The following PMS2 variants were observed in gnomAD, a reference collection of about 807,000 sequenced individuals.
PMS2 encodes the protein PMS1 homolog 2, mismatch repair system component.
Under a neutral mutation model 90.0 loss-of-function variants are expected in PMS2, and 69 were observed. The observed-to-expected ratio is 0.77, with a 90% CI of 0.63 to 0.94. The LOEUF is 0.94. Among genes scored for constraint, PMS2 ranks in the 40% least tolerant of loss-of-function variants. PMS2 has a pLI of 0.00. For missense variants in PMS2, 966 were observed against 1,040.2 expected, an observed-to-expected ratio of 0.93 and a Z score of 0.98; for synonymous variants, 332 against 375.1, an observed-to-expected ratio of 0.89 and a Z score of 1.33.
At chr7:5,992,264 C>T (rs1783844425) in intron 8 of PMS2, among the ~76,000 whole-genome samples, 1 of 151,262 alleles carries the variant, frequency 6.6e-6, no homozygotes, top group Non-Finnish European at 1.5e-5. Flanking sequence ...ACCTCCCAGG[C>T]TCAAGTGATC....
chr7:5,996,468 T>G (rs1376436071), intron 7 of PMS2, among the ~76,000 whole-genome samples: 1 of 151,478 alleles, frequency 6.6e-6, no homozygotes, highest in Non-Finnish European at 1.5e-5. Context: ...GGCAGGAGTA[T>G]CGCTTGAACC....
At chr7:5,987,666 T>C (rs763223022) in intron 10 of PMS2, 46 bp from the exon 11 acceptor site, 1 of 1,189,774 alleles carries the variant, frequency 8.4e-7, no homozygotes, top group Non-Finnish European at 1.2e-6. Context: ...TATCCTGAAA[T>C]GGTGAGAGGA....
chr7:5,990,734 T>C (rs1279993529), intron 9 of PMS2, among the ~76,000 whole-genome samples: 2 of 152,106 alleles, frequency 1.3e-5, no homozygotes, highest in Non-Finnish European at 2.9e-5. Flanking sequence ...AGATGTAGGC[T>C]GAGTGCAGTG....
chr7:6,007,353 T>C (rs1463510642), intron 1 of PMS2, among the ~76,000 whole-genome samples: 1 of 152,024 alleles, frequency 6.6e-6, no homozygotes, highest in Admixed American at 6.6e-5. Flanking sequence ...TGACCTCAGG[T>C]GATCCGCCTG....
intron 6 of PMS2, among the ~76,000 whole-genome samples, chr7:5,998,029 A>G (rs1212633768): frequency 6.6e-6 from 1 of 152,014 alleles, no homozygotes; most frequent in Non-Finnish European, 1.5e-5. Context: ...GAAGAATAAA[A>G]TGAAACACAT....
At chr7:6,002,658 G>A (rs2128819711) in intron 4 of PMS2, 22 bp from the exon 5 acceptor site, 1 of 1,595,968 alleles carries the variant, frequency 6.3e-7, no homozygotes, top group African/African-American at 1.3e-5. Flanking sequence ...TACCAGGCAT[G>A]GTGTGTTCAG....
At chr7:5,995,037 AATATAT>A (rs1784222220) in intron 8 of PMS2, among the ~76,000 whole-genome samples, 1 of 151,868 alleles carries the variant, frequency 6.6e-6, no homozygotes, top group Non-Finnish European at 1.5e-5. Context: ...AGTAGAAAAA[AATATAT>A]ATATATTTTT....
chr7:5,977,867 C>A, intron 13 of PMS2, 110 bp from the exon 14 acceptor site: 1 of 1,521,662 alleles, frequency 6.6e-7, no homozygotes, highest in Non-Finnish European at 9.0e-7. Flanking sequence ...CGCCTGTAAT[C>A]CCTGCACTTT....
At chr7:6,000,102 T>A (rs1468001555) in intron 5 of PMS2, among the ~76,000 whole-genome samples, 1 of 151,982 alleles carries the variant, frequency 6.6e-6, no homozygotes, top group Non-Finnish European at 1.5e-5. Flanking sequence ...GGGCCAGGCA[T>A]GATGGTTCAC....
At chr7:6,004,079 A>C (rs2128831063) in intron 2 of PMS2, 21 bp from the exon 3 acceptor site, 1 of 1,350,526 alleles carries the variant, frequency 7.4e-7, no homozygotes, top group Non-Finnish European at 1.1e-6. Context: ...TAAAATATTT[A>C]CATATTTATT....
intron 8 of PMS2, among the ~76,000 whole-genome samples, chr7:5,994,363 A>C (rs1784127708): frequency 6.6e-6 from 1 of 151,920 alleles, no homozygotes; most frequent in Non-Finnish European, 1.5e-5. Flanking sequence ...ACTGGCCAAC[A>C]GGGCGAGACT....
rs1781437556 is a variant in PMS2, at chr7:5,972,933, T to A, written c.*466A>T. ...ATCTCGGTTCACTGCAACCTCCGTC[T>A]CCCGGGTTCAAGCGATTCTCCTGCC... On this transcript the variant is annotated 3_prime_UTR_variant, in exon 15 of 15. Coordinates refer to ENST00000265849, the MANE Select transcript of PMS2 (RefSeq NM_000535.7). Among the ~76,000 whole-genome samples the A allele has an allele frequency of 1.3e-5, 1 of 78,396 alleles. No individual in the cohort carries two copies. Among genetic ancestry groups the A allele is most frequent in the Non-Finnish European group, 2.5e-5 (1 of 40,150 alleles). The allele number at this position is 78,396 out of a possible 152,430, so 51.4% of individuals were successfully genotyped here.
At chr7:5,985,422 TATA>T (rs1193208858) in intron 11 of PMS2, among the ~76,000 whole-genome samples, 1 of 151,814 alleles carries the variant, frequency 6.6e-6, no homozygotes, top group Non-Finnish European at 1.5e-5. Context: ...AGGAAAAATG[TATA>T]ATAAGGCATT....
intron 12 of PMS2, among the ~76,000 whole-genome samples, chr7:5,979,028 CTACTAAAAA>C (rs1256865372): frequency 6.8e-6 from 1 of 148,024 alleles, no homozygotes; most frequent in Non-Finnish European, 1.5e-5. Context: ...AACACTCTCT[CTACTAAAAA>C]TATAAAAATT....
chr7:5,984,422 G>A (rs577986466), intron 11 of PMS2, among the ~76,000 whole-genome samples: 4 of 151,868 alleles, frequency 2.6e-5, no homozygotes, highest in Admixed American at 6.6e-5. Context: ...TGGATTTTCC[G>A]CAGTATCAGC....
intron 5 of PMS2, among the ~76,000 whole-genome samples, chr7:6,000,827 C>T (rs1309198216): frequency 6.6e-6 from 1 of 151,946 alleles, no homozygotes; most frequent in Non-Finnish European, 1.5e-5. Flanking sequence ...TCCATCTCTA[C>T]TAAAAATACA....
upstream of PMS2, chr7:6,009,069 C>T (rs557908122): frequency 3.1e-6 from 5 of 1,601,654 alleles, no homozygotes; most frequent in Middle Eastern, 2.1e-4. Context: ...CCCTCCAGGG[C>T]TCCCACAGGC....
At chr7:5,999,325 G>T (rs1322632348) in intron 5 of PMS2, 50 bp from the exon 6 acceptor site, 1 of 1,494,072 alleles carries the variant, frequency 6.7e-7, no homozygotes, top group East Asian at 2.3e-5. Flanking sequence ...AATATTATAG[G>T]AATTACACAG....
rs760670395 is a variant in PMS2 at position 5,995,516 on chromosome 7, C to T, written c.903+18G>A. On this transcript the variant is annotated intron_variant, in intron 8 of 14. Transcript: ENST00000265849. ...CAAAGGCATAAAGAACAAACTAACA[C>T]AAAAAAATTTTAAATACCTTTGCTG... 6.4e-7 allele frequency: 1 copy of T among 1,572,676 alleles called. No individual in the cohort carries two copies. The highest frequency in any genetic ancestry group is 1.1e-5 in the South Asian group (1 of 90,326).
Sources: allele counts gnomAD v4.1 joint callset (sites outside exome capture counted in the v4.1 genomes callset), GRCh38; gene constraint gnomAD v4.1.1; transcripts MANE v1.5; gene names NCBI Gene and HGNC (gene_info 2026-07-23, HGNC 2026-07-21).